The following LRRC4C variants were observed in gnomAD, a reference collection of about 807,000 sequenced individuals.
LRRC4C encodes leucine-rich repeat-containing protein 4C.
LRRC4C carries 5 observed loss-of-function variants against 33.6 expected under a neutral mutation model. The observed-to-expected ratio is 0.15, with a 90% CI of 0.08 to 0.31. LRRC4C has a LOEUF of 0.31. Ranked by LOEUF, LRRC4C falls within the 10% of genes least tolerant of loss-of-function variation. The probability of loss-of-function intolerance (pLI) is 1.00; values close to 1 mark genes in which losing one functional copy is unlikely to be tolerated. For missense variants in LRRC4C, 560 were observed against 796.7 expected (o/e 0.70, Z 3.58); for synonymous variants, 329 against 302.0 (o/e 1.09, Z -0.93).
At chr11:40,925,123 T>TTCTCTCTCTCTC (rs56945447) in intron 2 of LRRC4C, among the ~76,000 whole-genome samples, 8 of 149,442 alleles carry the variant, frequency 5.4e-5, no homozygotes, top group Non-Finnish European at 7.4e-5. Context: ...CCCCAAATAT[T>TTCTCTCTCTCTC]TCTCTCTCTC....
intron 1 of LRRC4C, among the ~76,000 whole-genome samples, chr11:41,296,373 G>T (rs895987967): frequency 1.3e-5 from 2 of 151,704 alleles, no homozygotes; most frequent in African/African-American, 2.4e-5. Flanking sequence ...GGAGTGCAGC[G>T]GTGTGATCTC....
intron 2 of LRRC4C, among the ~76,000 whole-genome samples, chr11:40,838,937 T>C (rs538270311): frequency 1.3e-5 from 2 of 152,232 alleles, no homozygotes; most frequent in East Asian, 3.9e-4. Flanking sequence ...TTTAACATTC[T>C]AGGGAGGATT....
At chr11:40,951,338 A>G (rs1349043069) in intron 1 of LRRC4C, among the ~76,000 whole-genome samples, 1 of 152,036 alleles carries the variant, frequency 6.6e-6, no homozygotes, top group African/African-American at 2.4e-5. Context: ...GTTCAACACC[A>G]AAACACACAT....
At chr11:40,236,845 T>C (rs1865599266) in intron 5 of LRRC4C, among the ~76,000 whole-genome samples, 1 of 152,166 alleles carries the variant, frequency 6.6e-6, no homozygotes, top group African/African-American at 2.4e-5. Context: ...AAGGTTTATA[T>C]ATTATCACAG....
At chr11:40,980,372 C>T (rs1480632984) in intron 1 of LRRC4C, among the ~76,000 whole-genome samples, 2 of 152,106 alleles carry the variant, frequency 1.3e-5, no homozygotes, top group Non-Finnish European at 2.9e-5. Flanking sequence ...AAGAAGGCAA[C>T]ATGTAGTATA....
rs540365672 is a variant in LRRC4C, at chr11:40,569,594, G to A, written c.-270+78548C>T. ...TATATATATATATTTTAATTAAAGT[G>A]TCATCCAGTTTTTTTGGACTATAAA... On this transcript the variant is annotated intron_variant, in intron 3 of 6. Coordinates refer to ENST00000528697, the MANE Select transcript of LRRC4C (RefSeq NM_001258419.2). Among the ~76,000 whole-genome samples, 4 of 152,200 alleles carry A rather than the reference G, an allele frequency of 2.6e-5. No individual in the cohort carries two copies. The East Asian group carries it at 7.7e-4, about 29-fold the overall frequency.
intron 1 of LRRC4C, among the ~76,000 whole-genome samples, chr11:41,372,250 G>T (rs554599089): frequency 1.4e-4 from 22 of 152,334 alleles, no homozygotes; most frequent in African/African-American, 1.9e-4. Flanking sequence ...TATTTGGTTT[G>T]TACAAAAAGA....
At chr11:41,193,233 T>C (rs900596142) in intron 1 of LRRC4C, among the ~76,000 whole-genome samples, 3 of 152,114 alleles carry the variant, frequency 2.0e-5, no homozygotes, top group Non-Finnish European at 4.4e-5. Flanking sequence ...AAAGTACCTC[T>C]CCAGAAAGGA....
intron 2 of LRRC4C, among the ~76,000 whole-genome samples, chr11:40,713,311 T>C (rs1300915294): frequency 6.6e-6 from 1 of 152,170 alleles, no homozygotes; most frequent in Non-Finnish European, 1.5e-5. Flanking sequence ...TTATTTGAAA[T>C]TTGGACAGAA....
chr11:41,151,455 C>T (rs920544056), intron 1 of LRRC4C, among the ~76,000 whole-genome samples: 4 of 152,124 alleles, frequency 2.6e-5, no homozygotes, highest in Non-Finnish European at 5.9e-5. Context: ...GAATAGAATA[C>T]TTAGTGGCTA....
At position 40,947,997 on chromosome 11, in the gene LRRC4C, G is replaced by A. The variant is rs182007753; in HGVS notation, c.-495-14274C>T. Among the ~76,000 whole-genome samples the A allele has an allele frequency of 3.3e-3, 508 of 152,190 alleles. 5 individuals carry two copies. The highest frequency in any genetic ancestry group is 0.012 in the African/African-American group (487 of 41,536). Reference sequence around the variant, plus strand: ...TTTTTTCAGCTATTTCAAGCGAGAAGTTAGAACTGATATCTCTTCCTTCAT... The same window carrying A: ...TTTTTTCAGCTATTTCAAGCGAGAAATTAGAACTGATATCTCTTCCTTCAT... On this transcript the variant is annotated intron_variant, in intron 1 of 6. Coordinates refer to ENST00000528697, the MANE Select transcript of LRRC4C (RefSeq NM_001258419.2).
chr11:41,234,730 T>C (rs1221092340), intron 1 of LRRC4C, among the ~76,000 whole-genome samples: 1 of 152,022 alleles, frequency 6.6e-6, no homozygotes, highest in Non-Finnish European at 1.5e-5. Context: ...GACCATCTGA[T>C]AATTATTTCT....
chr11:41,208,768 C>T (rs1946700375), intron 1 of LRRC4C, among the ~76,000 whole-genome samples: 1 of 152,176 alleles, frequency 6.6e-6, no homozygotes, highest in African/African-American at 2.4e-5. Flanking sequence ...ACCAAGCAGA[C>T]AAGTCTGTTT....
At chr11:40,339,984 G>T (rs544121284) in intron 3 of LRRC4C, among the ~76,000 whole-genome samples, 1 of 152,080 alleles carries the variant, frequency 6.6e-6, no homozygotes, top group East Asian at 1.9e-4. Flanking sequence ...AAGATTGTGT[G>T]GGTGTATGAT....
intron 1 of LRRC4C, among the ~76,000 whole-genome samples, chr11:41,387,888 A>G (rs1020214491): frequency 2.6e-5 from 4 of 151,778 alleles, no homozygotes; most frequent in African/African-American, 7.2e-5. Flanking sequence ...TCAGTAGATC[A>G]CTTTTCTAAT....
chr11:40,942,416 T>G (rs567320985), intron 1 of LRRC4C, among the ~76,000 whole-genome samples: 1 of 152,270 alleles, frequency 6.6e-6, no homozygotes, highest in South Asian at 2.1e-4. Context: ...GCTGCAGTTT[T>G]CAATTAGAAA....
At chr11:40,308,100 C>T (rs141019058) in intron 4 of LRRC4C, among the ~76,000 whole-genome samples, 1 of 152,270 alleles carries the variant, frequency 6.6e-6, no homozygotes, top group African/African-American at 2.4e-5. Context: ...AAAAAGAGAG[C>T]CAAGGAGGCA....
intron 6 of LRRC4C, among the ~76,000 whole-genome samples, chr11:40,127,477 A>G (rs980587823): frequency 9.2e-5 from 14 of 152,102 alleles, no homozygotes; most frequent in African/African-American, 3.1e-4. Flanking sequence ...AACTAGCCCA[A>G]TTGAGGGGCA....
intron 1 of LRRC4C, among the ~76,000 whole-genome samples, chr11:41,232,751 C>A (rs1702737727): frequency 8.1e-6 from 1 of 123,972 alleles, no homozygotes; most frequent in Non-Finnish European, 1.7e-5. Context: ...TATCAAGACA[C>A]ACACACACAC....
Sources: gnomAD v4.1 joint callset for allele counts (sites outside exome capture counted in the v4.1 genomes callset) on GRCh38, gnomAD v4.1.1 for gene constraint, MANE v1.5 for transcripts, NCBI Gene and HGNC (gene_info 2026-07-23, HGNC 2026-07-21) for gene names.